JAG2: variants seen among roughly 807,000 people sequenced by gnomAD.
JAG2 encodes protein jagged-2.
A neutral mutation model predicts 141.7 loss-of-function variants in JAG2; 46 were observed. That is an observed-to-expected ratio of 0.32 (90% CI 0.26 to 0.42). The LOEUF is 0.42. JAG2 is among the 10% of genes least tolerant of loss of function. JAG2 has a pLI of 1.00. For missense variants in JAG2, 1,500 were observed against 1,817.5 expected (o/e 0.83, Z 3.18); for synonymous variants, 862 against 763.5 (o/e 1.13, Z -2.13).
At position 105,148,950 on chromosome 14, in the gene JAG2, G is replaced by A. The variant is rs949942498; in HGVS notation, c.1893C>T (p.Thr631=). The change falls in exon 14 of 26, where the codon ACC becomes ACT. Residue 631 remains threonine (T), a synonymous_variant. Coordinates refer to ENST00000331782, the MANE Select transcript of JAG2 (RefSeq NM_002226.5). ...GTGGCCACTCACTCTCATGGCAGTA[G>A]GTGCCAGTAAAGCCACTGTCACAGA... The part of the protein sequence containing the change: ...SCICDSGFTG[T]YCHENIDDCL... 1.2e-6 allele frequency: 2 copies of A among 1,606,702 alleles called. No individual in the cohort carries two copies. The highest frequency in any genetic ancestry group is 1.7e-6 in the Non-Finnish European group (2 of 1,177,288).
rs368948370 is a variant in JAG2 at position 105,150,956 on chromosome 14, C to T, written c.1381+35G>A. ...GTCAGAGGCGGGGTCCCATGTGCCT[C>T]GGCCCACCCGCCGGCGCCCACCCCC... On this transcript the variant is annotated intron_variant, in intron 10 of 25. Coordinates refer to ENST00000331782, the MANE Select transcript of JAG2 (RefSeq NM_002226.5). 1.1e-5 allele frequency: 18 copies of T among 1,596,022 alleles called. No homozygotes were observed. In the South Asian group the frequency reaches 1.5e-4, roughly 13 times the overall value.
intron 12 of JAG2, 109 bp from the exon 13 acceptor site, chr14:105,149,429 C>T: frequency 1.8e-5 from 25 of 1,372,356 alleles, no homozygotes; most frequent in Non-Finnish European, 2.3e-5. Context: ...CCAGGCCCCT[C>T]CGCCCTGGGC....
intron 2 of JAG2, among the ~76,000 whole-genome samples, chr14:105,166,783 G>C (rs1270007975): frequency 1.3e-5 from 2 of 152,200 alleles, no homozygotes; most frequent in African/African-American, 4.8e-5. Flanking sequence ...CCTGCTGACT[G>C]GAGCCACTTC....
intron 2 of JAG2, among the ~76,000 whole-genome samples, chr14:105,159,657 C>G (rs1175075233): frequency 1.4e-5 from 2 of 139,132 alleles, no homozygotes; most frequent in African/African-American, 5.4e-5. Flanking sequence ...ATCCACACCC[C>G]CCAACAGGCT....
chr14:105,168,001 C>T lies in JAG2; in HGVS notation c.173G>A (p.Arg58His), dbSNP rs1360523089. 1.6e-5 allele frequency: 26 copies of T among 1,600,576 alleles called. No homozygotes were observed. The highest frequency in any genetic ancestry group is 2.0e-5 in the Non-Finnish European group (24 of 1,177,318). ...ACCDGDGRTT[R>H]AGGCGHDECD... is the part of the protein sequence containing the mutation. The stretch of plus-strand genomic sequence containing the variant: ...CTCGTCGTGGCCGCAGCCCCCCGCG[C>T]GCGTTGTCCGGCCGTCGCCGTCACA... The change falls in exon 2 of 26, where the codon CGC (arginine) becomes CAC (histidine). Residue 58 changes from arginine (R) to histidine (H), a missense_variant. Arg to His is a conservative substitution (Grantham distance 29). Transcript: ENST00000331782.
Position 105,148,999 on chromosome 14 carries a change from TG to T in JAG2, c.1843del (p.Gln615SerfsTer147). 6.2e-7 allele frequency: 1 copy of T among 1,607,256 alleles called. No individual in the cohort carries two copies. Among genetic ancestry groups the T allele is most frequent in the Non-Finnish European group, 8.5e-7 (1 of 1,177,650 alleles). ...VCGPHGRCVSQPGGNFSCICD... is the reference protein window; with the variant it reads ...VCGPHGRCVSXPGGNFSCICD... ...GATGCAGGAAAAGTTGCCCCCTGGC[TG>T]GCTGACGCAGCGTCCATGGGGGCCA... On this transcript the variant is annotated frameshift_variant, in exon 14 of 26. Transcript: ENST00000331782. LOFTEE classifies it high-confidence loss of function.
chr14:105,144,797 C>T, intron 24 of JAG2, 133 bp downstream of exon 24: 1 of 1,198,746 alleles, frequency 8.3e-7, no homozygotes. Flanking sequence ...CGAGGGGCCG[C>T]AGGGAGACAG....
At chr14:105,161,963 A>G (rs1301484093) in intron 2 of JAG2, among the ~76,000 whole-genome samples, 1 of 152,168 alleles carries the variant, frequency 6.6e-6, no homozygotes, top group Admixed American at 6.5e-5. Flanking sequence ...CCAAACCCCT[A>G]GAACACAGGA....
chr14:105,142,604 G>A lies in JAG2; in HGVS notation c.*91C>T. The A allele has an allele frequency of 2.2e-6, 2 of 908,936 alleles. No individual in the cohort carries two copies. Among genetic ancestry groups the A allele is most frequent in the East Asian group, 2.7e-5 (1 of 37,352 alleles). 56.3% of individuals were successfully genotyped at this position (908,936 alleles called of 1,614,324 possible). ...TGGTGGTTTTTTTACACAAAATAAAGAAACTATGCACATGGCCTCGGCCTC... is the reference window on the plus strand; with the variant it reads ...TGGTGGTTTTTTTACACAAAATAAAAAAACTATGCACATGGCCTCGGCCTC... On this transcript the variant is annotated 3_prime_UTR_variant, in exon 26 of 26. Transcript: ENST00000331782.
intron 5 of JAG2, among the ~76,000 whole-genome samples, chr14:105,153,641 G>C (rs1351987428): frequency 2.0e-5 from 3 of 151,768 alleles, no homozygotes; most frequent in African/African-American, 7.3e-5. Context: ...ACTGGAACCT[G>C]AGCCGAGGCT....
At chr14:105,160,508 C>T (rs997796679) in intron 2 of JAG2, among the ~76,000 whole-genome samples, 3 of 151,754 alleles carry the variant, frequency 2.0e-5, no homozygotes, top group Admixed American at 6.6e-5. Flanking sequence ...CCACCAAGGA[C>T]GGCAACCTAT....
At chr14:105,145,277 G>A (rs587692684) in intron 23 of JAG2, among the ~76,000 whole-genome samples, 19 of 152,332 alleles carry the variant, frequency 1.2e-4, no homozygotes, top group South Asian at 4.1e-4. Flanking sequence ...TCCTCAGGGC[G>A]GACCCAGCTC....
rs1172031097 is a variant in JAG2, at chr14:105,167,511, C to A, written c.417+246G>T. 2.7e-5 allele frequency among the ~76,000 whole-genome samples: 4 copies of A among 148,918 alleles called. No individual in the cohort carries two copies. In the East Asian group the frequency reaches 7.8e-4, roughly 29 times the overall value. ...GGCACACGCCGCACACCGCCGCGCA[C>A]GCGGGACGCCGCCGCCCCGCCCCCG... On this transcript the variant is annotated intron_variant, in intron 2 of 25. Coordinates refer to ENST00000331782, the MANE Select transcript of JAG2 (RefSeq NM_002226.5). The surrounding 1 kb of genome is among the most constrained non-coding windows in gnomAD (Gnocchi z 4.8).
At chr14:105,148,467 CG>C in intron 15 of JAG2, 28 bp from the exon 16 acceptor site, 1 of 1,403,912 alleles carries the variant, frequency 7.1e-7, no homozygotes, top group Non-Finnish European at 9.5e-7. Context: ...GGTCAGCGGG[CG>C]GGGGGTCACC....
In JAG2 at chr14:105,141,309, C is replaced by T. The variant is rs1046073867; in HGVS notation, c.*1386G>A. On this transcript the variant is annotated 3_prime_UTR_variant, in exon 26 of 26. Transcript: ENST00000331782. ...GGAAGGGCTGCTTCTCTCCTGCCTC[C>T]ATCAAATGCTGACCTTGCCTCTGAA... 6.6e-6 allele frequency: 1 copy of T among 152,258 alleles called. No individual in the cohort carries two copies. The highest frequency in any genetic ancestry group is 2.4e-5 in the African/African-American group (1 of 41,456). 9.4% of individuals were successfully genotyped at this position (152,258 alleles called of 1,614,324 possible). A position where few individuals can be genotyped will look rare whatever the true frequency, so the allele number is the denominator to read the frequency against.
chr14:105,157,751 G>A lies in JAG2; in HGVS notation c.430C>T (p.Leu144Phe). 3 of 1,577,652 alleles carry A rather than the reference G, an allele frequency of 1.9e-6. No individual in the cohort carries two copies. Among genetic ancestry groups the A allele is most frequent in the Non-Finnish European group, 1.7e-6 (2 of 1,163,344 alleles). Residue 144 changes from leucine (L) to phenylalanine (F), a missense_variant, in exon 3 of 26, where the codon CTC (leucine) becomes TTC (phenylalanine). Physicochemically the swap from Leu to Phe is conservative, Grantham distance 22. Around this residue, in one of 3 missense-constraint regions of JAG2, gnomAD observed 875 missense variants for 1,202.2 expected, o/e 0.73. Coordinates refer to ENST00000331782, the MANE Select transcript of JAG2 (RefSeq NM_002226.5). ...TCCCAGTCCCAGGCCTCCACGATGA[G>A]GGTAAAGGAGCGCTGCAGACATGGG... ...FQFAWPRSFT[L>F]IVEAWDWDND...
intron 24 of JAG2, among the ~76,000 whole-genome samples, chr14:105,144,287 T>G (rs1888156628): frequency 6.6e-6 from 1 of 151,938 alleles, no homozygotes; most frequent in Non-Finnish European, 1.5e-5. Flanking sequence ...TGACCTGTGC[T>G]GGCACACTTC....
intron 23 of JAG2, 144 bp downstream of exon 23, chr14:105,145,587 C>T: frequency 2.7e-6 from 3 of 1,100,282 alleles, no homozygotes; most frequent in South Asian, 1.6e-5. Flanking sequence ...CTCATCTGAC[C>T]CCACAGGGCC....
Position 105,145,054 on chromosome 14 carries a change from G to A in JAG2, c.2960C>T (p.Thr987Met), listed in dbSNP as rs757532862. 7.5e-6 allele frequency: 12 copies of A among 1,609,846 alleles called. No individual in the cohort carries two copies. Among genetic ancestry groups the A allele is most frequent in the South Asian group, 6.6e-5 (6 of 91,062 alleles). Residue 987 changes from threonine to methionine, a missense_variant, in exon 24 of 26, where the codon ACG becomes ATG. Physicochemically the swap from Thr to Met is moderately conservative, Grantham distance 81 (BLOSUM62 -1). This residue lies in a region of JAG2 where 425 missense variants were observed against 441.0 expected (regional missense o/e 0.96). Transcript: ENST00000331782. Reference sequence around the variant, plus strand: ...GATCCCGGAGCAAATGGCGCCCACCGTGGTGCCCTGGGCAGAGACAGGCAG... The same window carrying A: ...GATCCCGGAGCAAATGGCGCCCACCATGGTGCCCTGGGCAGAGACAGGCAG... ...FNRDHVPQGT[T>M]VGAICSGIRS...
Sources: gnomAD v4.1 joint callset for allele counts (sites outside exome capture counted in the v4.1 genomes callset) on GRCh38, gnomAD v4.1.1 for gene constraint, gnomAD v4.1.1 regional missense constraint, Gnocchi (gnomAD v3.1) non-coding constraint, MANE v1.5 for transcripts, NCBI Gene and HGNC (gene_info 2026-07-23, HGNC 2026-07-21) for gene names.